PKD1L3: variants seen among roughly 807,000 people sequenced by gnomAD.
PKD1L3 encodes the protein polycystin-1-like protein 3.
Under a neutral mutation model 184.1 loss-of-function variants are expected in PKD1L3, and 239 were observed. That is an observed-to-expected ratio of 1.30 (90% CI 1.17 to 1.45). The LOEUF (loss-of-function observed/expected upper bound fraction) is 1.45. Among genes scored for constraint, PKD1L3 ranks in the 40% most tolerant of loss-of-function variants. The pLI is 0.00. For synonymous variants in PKD1L3, 996 were observed against 778.8 expected (o/e 1.28, Z -4.64); for missense variants, 2,660 against 2,067.2 (o/e 1.29, Z -5.56).
chr16:71,935,040 T>C (rs2038125619), intron 26 of PKD1L3, among the ~76,000 whole-genome samples: 2 of 152,236 alleles, frequency 1.3e-5, no homozygotes, highest in South Asian at 4.1e-4. Flanking sequence ...AAAGGATTAT[T>C]TGTCGTGCGT....
Position 71,993,333 on chromosome 16 carries a change from C to T in PKD1L3, c.419-1G>A. 1 of 1,536,044 alleles carries T rather than the reference C, an allele frequency of 6.5e-7. No homozygotes were observed. The highest frequency in any genetic ancestry group is 8.8e-7 in the Non-Finnish European group (1 of 1,136,332). On this transcript the variant is annotated splice_acceptor_variant, in intron 2 of 29. Transcript: ENST00000620267. LOFTEE classifies it high-confidence loss of function. ...TGGGCATCTCCGTCCAAAAAGTCACCTATTTGAAAGCCAACACACAAGTTA... is the reference window on the plus strand; with the variant it reads ...TGGGCATCTCCGTCCAAAAAGTCACTTATTTGAAAGCCAACACACAAGTTA...
At chr16:71,932,450 C>G (rs1447094951) in intron 28 of PKD1L3, among the ~76,000 whole-genome samples, 1 of 152,030 alleles carries the variant, frequency 6.6e-6, no homozygotes, top group Non-Finnish European at 1.5e-5. Flanking sequence ...TAGAACTGTA[C>G]CTTCCTAATT....
At chr16:71,970,319 C>G (rs950360224) in intron 12 of PKD1L3, among the ~76,000 whole-genome samples, 2 of 152,148 alleles carry the variant, frequency 1.3e-5, no homozygotes, top group African/African-American at 4.8e-5. Context: ...TCCTGCAATT[C>G]CAGTTCTGAG....
At chr16:71,940,028 G>A (rs1453370443) in intron 24 of PKD1L3, among the ~76,000 whole-genome samples, 1 of 152,144 alleles carries the variant, frequency 6.6e-6, no homozygotes, top group Non-Finnish European at 1.5e-5. Context: ...TTCTAACCAA[G>A]AAACCTTGGA....
chr16:71,982,277 GCTTT>G (rs896995631), intron 6 of PKD1L3, 42 bp from the exon 7 acceptor site: 17 of 690,316 alleles, frequency 2.5e-5, no homozygotes, highest in Admixed American at 2.2e-4. Flanking sequence ...TGAATTGTTT[GCTTT>G]TTTTTTTTTT....
chr16:71,977,579 T>TGAGA, intron 10 of PKD1L3, 112 bp from the exon 11 acceptor site: 2 of 833,514 alleles, frequency 2.4e-6, no homozygotes, highest in Non-Finnish European at 3.7e-6. Context: ...TTTTTTTTTT[T>TGAGA]TGAGATGGGG....
At chr16:71,966,418 C>T (rs1233884254) in intron 15 of PKD1L3, among the ~76,000 whole-genome samples, 4 of 150,762 alleles carry the variant, frequency 2.7e-5, no homozygotes, top group African/African-American at 9.7e-5. Flanking sequence ...TCCTTAAGAT[C>T]TTGACTTTTT....
At chr16:71,958,642 G>A (rs145925668) in intron 16 of PKD1L3, among the ~76,000 whole-genome samples, 1 of 150,348 alleles carries the variant, frequency 6.7e-6, no homozygotes, top group African/African-American at 2.4e-5. Flanking sequence ...TTAGCCAGGC[G>A]TGGTGGTGGG....
Position 71,972,372 on chromosome 16 carries a change from C to T in PKD1L3, c.1953+952G>A, listed in dbSNP as rs1336365345. 3.9e-5 allele frequency among the ~76,000 whole-genome samples: 6 copies of T among 152,198 alleles called. No individual in the cohort carries two copies. The East Asian group carries it at 1.2e-3, about 29-fold the overall frequency. ...CCGAGATCATGCCATTGCACTCCAG[C>T]CTGGGCAACAAGAGGGAAACTCCCT... On this transcript the variant is annotated intron_variant, in intron 12 of 29. Transcript: ENST00000620267.
chr16:71,956,028 T>G (rs2039032215), intron 16 of PKD1L3, among the ~76,000 whole-genome samples: 2 of 152,016 alleles, frequency 1.3e-5, no homozygotes, highest in South Asian at 4.1e-4. Context: ...TGGCTAAATT[T>G]TGTATTTTTT....
At position 71,933,454 on chromosome 16, in the gene PKD1L3, A is replaced by G. The variant is rs913374899; in HGVS notation, c.4892T>C (p.Val1631Ala). 8.4e-6 allele frequency: 13 copies of G among 1,550,822 alleles called. No homozygotes were observed. Among genetic ancestry groups the G allele is most frequent in the South Asian group, 1.2e-5 (1 of 84,062 alleles). The change falls in exon 28 of 30, where the codon GTT (valine) becomes GCT (alanine). Residue 1631 changes from valine (V) to alanine (A), a missense_variant. Physicochemically the swap from Val to Ala is moderately conservative, Grantham distance 64. Coordinates refer to ENST00000620267, the MANE Select transcript of PKD1L3 (RefSeq NM_181536.2). ...RTFFSSAVTVVGLLMGISHQE... is the reference protein window; with the variant it reads ...RTFFSSAVTVAGLLMGISHQE... ...GTGAGAAATTCCCATCAGGAGACCA[A>G]CAACAGTCACTGCTGAGCTGAAAAA...
intron 15 of PKD1L3, 121 bp from the exon 16 acceptor site, chr16:71,963,472 A>G: frequency 9.1e-7 from 1 of 1,098,042 alleles, no homozygotes; most frequent in South Asian, 2.2e-5. Context: ...ATTGCAAGGC[A>G]AGAACTAAGG....
chr16:71,944,735 C>T (rs546953710), intron 22 of PKD1L3, among the ~76,000 whole-genome samples: 3,046 of 104,738 alleles, frequency 0.029, 132 homozygotes, highest in African/African-American at 0.09. Flanking sequence ...AGTCTCACTT[C>T]GTTGTCGAGG....
Position 71,934,015 on chromosome 16 carries a change from G to A in PKD1L3, c.4724C>T (p.Pro1575Leu). 9 of 1,551,692 alleles carry A rather than the reference G, an allele frequency of 5.8e-6. No homozygotes were observed. Among genetic ancestry groups the A allele is most frequent in the Non-Finnish European group, 7.0e-6 (8 of 1,146,994 alleles). ...TGTCCTGCTGATGACCCGCAGCCTG[G>A]GGCTATGACGCAGCAGGTTCCATAA... ...VQLWNLLRHS[P>L]RLRVISRTLS... is the part of the protein sequence containing the mutation. Residue 1575 changes from proline to leucine, a missense_variant, in exon 27 of 30, where the codon CCC (proline) becomes CTC (leucine). By Grantham distance (98) the Pro-to-Leu change is moderately conservative. Coordinates refer to ENST00000620267, the MANE Select transcript of PKD1L3 (RefSeq NM_181536.2).
intron 16 of PKD1L3, among the ~76,000 whole-genome samples, chr16:71,954,868 G>C (rs1337409892): frequency 6.6e-6 from 1 of 152,140 alleles, no homozygotes; most frequent in African/African-American, 2.4e-5. Flanking sequence ...GTACAAAAGT[G>C]GGAGTTTGAC....
rs143668592 is a variant in PKD1L3, at chr16:71,997,673, G to A, written c.418+599C>T. Among the ~76,000 whole-genome samples the A allele has an allele frequency of 6.2e-4, 94 of 152,178 alleles. No homozygotes were observed. The East Asian group carries it at 6.6e-3, about 11-fold the overall frequency. On this transcript the variant is annotated intron_variant, in intron 2 of 29. Transcript: ENST00000620267. ...TGAGGCAGGAGAATCACTGGAACCC[G>A]GGAGGCGGAGCTTGTGGTGAGCCGA...
At chr16:71,952,280 T>C (rs2038866785) in intron 18 of PKD1L3, among the ~76,000 whole-genome samples, 2 of 143,168 alleles carry the variant, frequency 1.4e-5, no homozygotes, top group South Asian at 2.4e-4. Context: ...GGGCGCAATC[T>C]TGGCTCACTG....
intron 12 of PKD1L3, 78 bp downstream of exon 12, chr16:71,973,246 C>T: frequency 6.9e-7 from 1 of 1,449,734 alleles, no homozygotes; most frequent in South Asian, 1.3e-5. Context: ...TGGGCTGCCC[C>T]AAATGAGATA....
At chr16:71,963,598 G>A (rs1475349788) in intron 15 of PKD1L3, among the ~76,000 whole-genome samples, 1 of 152,096 alleles carries the variant, frequency 6.6e-6, no homozygotes. Flanking sequence ...CTTGGGCAAC[G>A]TCGCAAAATC....
Sources: allele counts gnomAD v4.1 joint callset (sites outside exome capture counted in the v4.1 genomes callset), GRCh38; gene constraint gnomAD v4.1.1; transcripts MANE v1.5; gene names NCBI Gene and HGNC (gene_info 2026-07-23, HGNC 2026-07-21).